Variants in ZWILCH observed in about 807,000 individuals in gnomAD.
The protein encoded by ZWILCH is zwilch kinetochore protein, also known as protein zwilch homolog.
ZWILCH carries 74 observed loss-of-function variants against 79.9 expected under a neutral mutation model. That is an observed-to-expected ratio of 0.93 (90% CI 0.77 to 1.12). ZWILCH has a LOEUF of 1.12. Among genes scored for constraint, ZWILCH ranks in the 50% most tolerant of loss-of-function variants. The pLI, the probability that ZWILCH is intolerant of heterozygous loss-of-function variation, is 0.00. For missense variants in ZWILCH, 694 were observed against 687.5 expected (o/e 1.01, Z -0.11); for synonymous variants, 241 against 228.2 (o/e 1.06, Z -0.51).
chr15:66,517,430 G>GTGTATA lies in ZWILCH; in HGVS notation c.321-1448_321-1447insGTATAT. ...TGTTTGTGTGTGCGTGTGTGTGTGT[G>GTGTATA]TATATATATATATATATATATATAT... On this transcript the variant is annotated intron_variant, in intron 4 of 18. Coordinates refer to ENST00000307897, the MANE Select transcript of ZWILCH (RefSeq NM_017975.5). 1.2e-3 allele frequency among the ~76,000 whole-genome samples: 82 copies of GTGTATA among 66,516 alleles called. 1 individual carries two copies. The highest frequency in any genetic ancestry group is 2.3e-3 in the African/African-American group (37 of 16,332). The allele number at this position is 66,516 out of a possible 152,430, so 43.6% of individuals were successfully genotyped here.
At chr15:66,528,700 ATC>A in intron 10 of ZWILCH, 150 bp from the exon 11 acceptor site, 1 of 583,334 alleles carries the variant, frequency 1.7e-6, no homozygotes, top group Non-Finnish European at 3.0e-6. Context: ...GTTGATTTGT[ATC>A]TCCTCATTAG....
In ZWILCH at chr15:66,540,167, G is replaced by A; in HGVS notation, c.1644G>A (p.Leu548=). 3.7e-6 allele frequency: 6 copies of A among 1,613,744 alleles called. No individual in the cohort carries two copies. Among genetic ancestry groups the A allele is most frequent in the Non-Finnish European group, 5.1e-6 (6 of 1,179,776 alleles). The change falls in exon 17 of 19, where the codon CTG becomes CTA. Residue 548 remains leucine, a synonymous_variant. Transcript: ENST00000307897. ...GQKKIKTVWQ[L]SDSSPIDHLN... ...AGAAGATTAAGACAGTTTGGCAACTGAGTGACAGCTCACCCATAGACCATC... is the reference window on the plus strand; with the variant it reads ...AGAAGATTAAGACAGTTTGGCAACTAAGTGACAGCTCACCCATAGACCATC...
chr15:66,540,032 G>A, intron 16 of ZWILCH, 66 bp from the exon 17 acceptor site: 1 of 1,109,728 alleles, frequency 9.0e-7, no homozygotes, highest in South Asian at 1.4e-5. Flanking sequence ...CTAAATGGCT[G>A]TAGAGGGAAG....
In ZWILCH at chr15:66,545,678, A is replaced by G. The variant is rs112342594; in HGVS notation, c.1688-913A>G. Among the ~76,000 whole-genome samples, 815 of 152,316 alleles carry G rather than the reference A, an allele frequency of 5.4e-3. 5 individuals carry two copies. The highest frequency in any genetic ancestry group is 9.2e-3 in the Non-Finnish European group (623 of 68,028). On this transcript the variant is annotated intron_variant, in intron 17 of 18. Transcript: ENST00000307897. ...TTATAACCTCTTGTAGCCATCATAT[A>G]TTCTTGATATGTTTGTCTAGAAATT...
intron 14 of ZWILCH, among the ~76,000 whole-genome samples, chr15:66,535,111 T>C (rs8042785): frequency 0.26 from 40,220 of 151,910 alleles, 5,415 homozygotes; most frequent in East Asian, 0.37. Flanking sequence ...TCGCCTAGGT[T>C]GGGATCATCA....
At chr15:66,531,688 C>G (rs953977982) in intron 12 of ZWILCH, among the ~76,000 whole-genome samples, 8 of 151,414 alleles carry the variant, frequency 5.3e-5, no homozygotes, top group African/African-American at 1.9e-4. Flanking sequence ...AACTCCTGAC[C>G]TCAAGTGATC....
rs1236492803 is a variant in ZWILCH at position 66,527,929 on chromosome 15, A to G, written c.969+17A>G. On this transcript the variant is annotated intron_variant, in intron 10 of 18. Coordinates refer to ENST00000307897, the MANE Select transcript of ZWILCH (RefSeq NM_017975.5). ...GAGGTTGAGGTAAGTGATTATTATC[A>G]GTTAGAAATATACACAGAAATAGCT... 5 of 1,585,738 alleles carry G rather than the reference A, an allele frequency of 3.2e-6. No homozygotes were observed. Among genetic ancestry groups the G allele is most frequent in the Non-Finnish European group, 4.3e-6 (5 of 1,167,918 alleles).
chr15:66,520,605 C>A lies in ZWILCH; in HGVS notation c.536C>A (p.Ser179Tyr). 1 of 1,517,286 alleles carries A rather than the reference C, an allele frequency of 6.6e-7. No homozygotes were observed. The highest frequency in any genetic ancestry group is 9.1e-7 in the Non-Finnish European group (1 of 1,099,388). The allele number at this position is 1,517,286 out of a possible 1,614,324, so 94.0% of individuals were successfully genotyped here. A position where few individuals can be genotyped will look rare whatever the true frequency, so the allele number is the denominator to read the frequency against. ...TTTCCTATAGCTGATAAAAATTATTCTGTAAATCTTGAAAACCTAAAAAAT... is the reference window on the plus strand; with the variant it reads ...TTTCCTATAGCTGATAAAAATTATTATGTAAATCTTGAAAACCTAAAAAAT... Reference protein sequence around the residue: ...VVSCKADKNYSVNLENLKNLH... With the variant: ...VVSCKADKNYYVNLENLKNLH... Residue 179 changes from serine to tyrosine, a missense_variant, in exon 6 of 19, where the codon TCT becomes TAT. Coordinates refer to ENST00000307897, the MANE Select transcript of ZWILCH (RefSeq NM_017975.5).
intron 2 of ZWILCH, among the ~76,000 whole-genome samples, chr15:66,513,318 C>G (rs984984515): frequency 6.6e-6 from 1 of 151,914 alleles, no homozygotes; most frequent in Non-Finnish European, 1.5e-5. Flanking sequence ...GTATTCCCAG[C>G]ACTTTGGGAG....
chr15:66,525,244 C>G (rs1049607091), intron 8 of ZWILCH, among the ~76,000 whole-genome samples: 1 of 152,150 alleles, frequency 6.6e-6, no homozygotes, highest in African/African-American at 2.4e-5. Context: ...CTGCTGTGTG[C>G]CACCCATGGT....
chr15:66,529,338 CT>C (rs370654105), intron 11 of ZWILCH, among the ~76,000 whole-genome samples, 155 bp from the exon 12 acceptor site: 156 of 146,382 alleles, frequency 1.1e-3, no homozygotes, highest in Middle Eastern at 3.6e-3. Flanking sequence ...TTCATTAAAT[CT>C]TTTTTTTTTT....
intron 8 of ZWILCH, chr15:66,524,539 C>G (rs1392476221): frequency 6.6e-6 from 1 of 152,164 alleles, no homozygotes; most frequent in African/African-American, 2.4e-5. Context: ...ATGCACTTCT[C>G]CCACCTCTTT....
intron 17 of ZWILCH, among the ~76,000 whole-genome samples, chr15:66,544,789 G>A (rs1193968588): frequency 7.3e-6 from 1 of 137,116 alleles, no homozygotes; most frequent in East Asian, 2.3e-4. Flanking sequence ...TGTCACCCAG[G>A]CTAGAGTGCA....
At chr15:66,544,918 A>G (rs946231752) in intron 17 of ZWILCH, among the ~76,000 whole-genome samples, 4 of 150,636 alleles carry the variant, frequency 2.7e-5, no homozygotes, top group Non-Finnish European at 4.4e-5. Context: ...TAATTTTTGT[A>G]TTTTTAGTAG....
chr15:66,510,664 C>T (rs531124186), intron 2 of ZWILCH, among the ~76,000 whole-genome samples: 33 of 152,300 alleles, frequency 2.2e-4, no homozygotes, highest in African/African-American at 7.2e-4. Context: ...TATTCTCTCC[C>T]AGTTCTGGAG....
intron 8 of ZWILCH, 111 bp from the exon 9 acceptor site, chr15:66,527,179 G>A (rs1894701880): frequency 2.6e-6 from 2 of 769,676 alleles, no homozygotes; most frequent in East Asian, 2.7e-5. Flanking sequence ...CCTGGGATGT[G>A]ATAAACACTC....
At chr15:66,525,480 C>T (rs1894639192) in intron 8 of ZWILCH, among the ~76,000 whole-genome samples, 1 of 152,188 alleles carries the variant, frequency 6.6e-6, no homozygotes, top group East Asian at 1.9e-4. Context: ...ACCCTTCCCC[C>T]CATACATATA....
chr15:66,529,407 A>G (rs1317839516), intron 11 of ZWILCH, 87 bp from the exon 12 acceptor site: 3 of 786,838 alleles, frequency 3.8e-6, no homozygotes, highest in African/African-American at 3.6e-5. Flanking sequence ...CTTGCTTTCT[A>G]CTTCATTTGT....
rs541614204 is a variant in ZWILCH, at chr15:66,528,747, G to A, written c.970-105G>A. 1.3e-4 allele frequency: 114 copies of A among 861,888 alleles called. 1 individual carries two copies. The South Asian group carries it at 1.5e-3, about 11-fold the overall frequency. The allele number at this position is 861,888 out of a possible 1,614,324, so 53.4% of individuals were successfully genotyped here. A position where few individuals can be genotyped will look rare whatever the true frequency, so the allele number is the denominator to read the frequency against. On this transcript the variant is annotated intron_variant, in intron 10 of 18. Transcript: ENST00000307897. ...TTGTAGAAAATTCGTTCATATCTTTGTGTGTGTTCATGAATCCATAATTTC... is the reference window on the plus strand; with the variant it reads ...TTGTAGAAAATTCGTTCATATCTTTATGTGTGTTCATGAATCCATAATTTC...
Sources: allele counts gnomAD v4.1 joint callset (sites outside exome capture counted in the v4.1 genomes callset), GRCh38; gene constraint gnomAD v4.1.1; transcripts MANE v1.5; gene names NCBI Gene and HGNC (gene_info 2026-07-23, HGNC 2026-07-21).